Variants in CTCF observed in about 807,000 individuals in gnomAD.
CTCF encodes transcriptional repressor CTCF.
Under a neutral mutation model 72.3 loss-of-function variants are expected in CTCF, and 7 were observed. The ratio of observed to expected loss-of-function variants is 0.10; its 90% CI spans 0.06 to 0.18. The LOEUF (loss-of-function observed/expected upper bound fraction) is 0.18, where lower values mean the gene tolerates loss of function less well. CTCF is among the 10% of genes least tolerant of loss of function. CTCF has a pLI of 1.00. For synonymous variants in CTCF, 374 were observed against 315.8 expected (o/e 1.18, Z -1.95); for missense variants, 516 against 949.1 (o/e 0.54, Z 6.00).
chr16:67,594,899 A>C (rs938150604), intron 2 of CTCF, among the ~76,000 whole-genome samples: 2 of 152,190 alleles, frequency 1.3e-5, no homozygotes, highest in African/African-American at 4.8e-5. Flanking sequence ...GTCAGTTTGT[A>C]CTGGTCAAGG....
intron 2 of CTCF, among the ~76,000 whole-genome samples, chr16:67,597,237 T>G (rs1401056066): frequency 6.6e-6 from 1 of 152,116 alleles, no homozygotes; most frequent in Non-Finnish European, 1.5e-5. Context: ...AGTATCTCCA[T>G]GTTTCCCAAG....
intron 2 of CTCF, among the ~76,000 whole-genome samples, chr16:67,572,760 T>TA (rs2051440012): frequency 6.6e-6 from 1 of 152,008 alleles, no homozygotes; most frequent in African/African-American, 2.4e-5. Context: ...GCCAACATGG[T>TA]AAAACCCCAT....
At chr16:67,627,029 A>G (rs1330780729) in intron 8 of CTCF, 3 of 220,320 alleles carry the variant, frequency 1.4e-5, no homozygotes, top group East Asian at 9.0e-5. Flanking sequence ...GGAGCCAAAG[A>G]AGGAGCTCAG....
At chr16:67,636,128 C>CA (rs2052424482) in intron 10 of CTCF, among the ~76,000 whole-genome samples, 1 of 152,112 alleles carries the variant, frequency 6.6e-6, no homozygotes, top group Admixed American at 6.5e-5. Flanking sequence ...GTAATCCCAG[C>CA]ACATTGGGAG....
At chr16:67,585,539 A>G (rs1348310922) in intron 2 of CTCF, among the ~76,000 whole-genome samples, 1 of 152,182 alleles carries the variant, frequency 6.6e-6, no homozygotes, top group African/African-American at 2.4e-5. Flanking sequence ...TCCTTCAATA[A>G]TCTTTATGTG....
intron 2 of CTCF, among the ~76,000 whole-genome samples, chr16:67,574,690 G>C: frequency 1.1e-5 from 1 of 88,382 alleles, no homozygotes; most frequent in East Asian, 3.6e-4. Flanking sequence ...ATGGAGTCTT[G>C]CTCTGTTGCC....
In CTCF at chr16:67,612,138, T is replaced by C; in HGVS notation, c.952+17T>C. On this transcript the variant is annotated intron_variant, in intron 4 of 11. Coordinates refer to ENST00000264010, the MANE Select transcript of CTCF (RefSeq NM_006565.4). ...CACACACAGGTGCTGGATAAGAATG[T>C]TGGGGGCTACAACAGCAAATGCTCA... 1 of 1,600,296 alleles carries C rather than the reference T, an allele frequency of 6.2e-7. No homozygotes were observed. The highest frequency in any genetic ancestry group is 1.1e-5 in the South Asian group (1 of 89,102).
chr16:67,565,923 C>T (rs2051337589), intron 1 of CTCF, among the ~76,000 whole-genome samples: 1 of 152,180 alleles, frequency 6.6e-6, no homozygotes, highest in Admixed American at 6.5e-5. Context: ...CTGGGCAGAG[C>T]CTTGCAGGCT....
intron 11 of CTCF, 101 bp from the exon 12 acceptor site, chr16:67,637,587 T>A (rs972591865): frequency 4.4e-6 from 4 of 916,888 alleles, no homozygotes. Flanking sequence ...AATAAGGCTG[T>A]CCTGCATTGC....
chr16:67,599,020 G>C (rs1410957693), intron 2 of CTCF, among the ~76,000 whole-genome samples: 1 of 152,246 alleles, frequency 6.6e-6, no homozygotes, highest in Non-Finnish European at 1.5e-5. Flanking sequence ...ACTAAATCGT[G>C]CATTGGGGTT....
intron 10 of CTCF, among the ~76,000 whole-genome samples, chr16:67,636,091 ATTGGCTGGGCACG>A (rs1567619571): frequency 6.6e-6 from 1 of 151,704 alleles, no homozygotes; most frequent in East Asian, 2.0e-4. Context: ...GATTATCTGG[ATTGGCTGGGCACG>A]TTGGCTCATG....
At chr16:67,609,275 TCTG>T (rs946793368) in intron 2 of CTCF, among the ~76,000 whole-genome samples, 3 of 152,222 alleles carry the variant, frequency 2.0e-5, no homozygotes, top group Non-Finnish European at 2.9e-5. Context: ...CACTTAAAAA[TCTG>T]CTCTCAGTTA....
At chr16:67,581,341 T>A (rs1369577252) in intron 2 of CTCF, among the ~76,000 whole-genome samples, 1 of 151,448 alleles carries the variant, frequency 6.6e-6, no homozygotes, top group Non-Finnish European at 1.5e-5. Flanking sequence ...TTTTTTTTTT[T>A]TGAGACAGTC....
At chr16:67,636,602 G>T in intron 10 of CTCF, 88 bp from the exon 11 acceptor site, 11 of 545,390 alleles carry the variant, frequency 2.0e-5, no homozygotes, top group Non-Finnish European at 2.7e-5. Context: ...TATAAAACAA[G>T]ACTTCAAATA....
In CTCF at chr16:67,611,654, T is replaced by C. The variant is rs114333570; in HGVS notation, c.781+41T>C. On this transcript the variant is annotated intron_variant, in intron 3 of 11. Transcript: ENST00000264010. Reference sequence around the variant, plus strand: ...CCATAGTGGTTTCATAAAACCATTTTGGGATAAGCATACAACACAGTGCAT... The same window carrying C: ...CCATAGTGGTTTCATAAAACCATTTCGGGATAAGCATACAACACAGTGCAT... 1,353 of 1,569,046 alleles carry C rather than the reference T, an allele frequency of 8.6e-4. 17 individuals are homozygous for C. The African/African-American group carries it at 0.016, about 19-fold the overall frequency.
Position 67,638,074 on chromosome 16 carries a change from A to C in CTCF, c.*202A>C, listed in dbSNP as rs2052456309. 1.8e-6 allele frequency: 1 copy of C among 561,204 alleles called. No individual in the cohort carries two copies. Among genetic ancestry groups the C allele is most frequent in the Non-Finnish European group, 3.1e-6 (1 of 318,512 alleles). 34.8% of individuals were successfully genotyped at this position (561,204 alleles called of 1,614,324 possible). A position where few individuals can be genotyped will look rare whatever the true frequency, so the allele number is the denominator to read the frequency against. On this transcript the variant is annotated 3_prime_UTR_variant, in exon 12 of 12. Transcript: ENST00000264010. ...GCTGTCTGATGTTAGCAAATCATGG[A>C]ATGTTCTGAGTCCCTGAGGGTTTAC...
chr16:67,597,165 G>A (rs1415224996), intron 2 of CTCF, among the ~76,000 whole-genome samples: 2 of 152,032 alleles, frequency 1.3e-5, no homozygotes, highest in Admixed American at 6.6e-5. Flanking sequence ...CTCCTGAATA[G>A]CTGAGACCCC....
intron 2 of CTCF, among the ~76,000 whole-genome samples, chr16:67,586,140 C>G (rs1351386383): frequency 6.6e-6 from 1 of 152,142 alleles, no homozygotes; most frequent in Non-Finnish European, 1.5e-5. Flanking sequence ...GTGGCTCACG[C>G]CTATAATTCC....
At position 67,607,595 on chromosome 16, in the gene CTCF, C is replaced by T. The variant is rs536810001; in HGVS notation, c.-9-3229C>T. Among the ~76,000 whole-genome samples, 94 of 152,090 alleles carry T rather than the reference C, an allele frequency of 6.2e-4. 2 individuals are homozygous for T. The highest frequency in any genetic ancestry group is 2.2e-3 in the African/African-American group (91 of 41,528). On this transcript the variant is annotated intron_variant, in intron 2 of 11. Coordinates refer to ENST00000264010, the MANE Select transcript of CTCF (RefSeq NM_006565.4). ...TGCTGGGATTACAGGCGTGAGCTACCGTGCCCGGCCCATTCACAAGATATA... is the reference window on the plus strand; with the variant it reads ...TGCTGGGATTACAGGCGTGAGCTACTGTGCCCGGCCCATTCACAAGATATA...
Sources: allele counts gnomAD v4.1 joint callset (sites outside exome capture counted in the v4.1 genomes callset), GRCh38; gene constraint gnomAD v4.1.1; transcripts MANE v1.5; gene names NCBI Gene and HGNC (gene_info 2026-07-23, HGNC 2026-07-21).